PCDHA3: variants seen among roughly 807,000 people sequenced by gnomAD.
PCDHA3 encodes protocadherin alpha 3, also known as protocadherin alpha-3.
In PCDHA3, 41 loss-of-function variants were observed where a neutral mutation model predicts 62.2. The ratio of observed to expected loss-of-function variants is 0.66; its 90% CI spans 0.51 to 0.86. The LOEUF is 0.86. Ranked by LOEUF, PCDHA3 falls within the 40% of genes least tolerant of loss-of-function variation. The pLI, the probability that PCDHA3 is intolerant of heterozygous loss-of-function variation, is 0.00. For synonymous variants in PCDHA3, 640 were observed against 555.4 expected, an observed-to-expected ratio of 1.15 and a Z score of -2.14; for missense variants, 1,304 against 1,241.2, an observed-to-expected ratio of 1.05 and a Z score of -0.76.
At chr5:140,867,824 G>A (rs1258393601) in intron 1 of PCDHA3, 1 of 151,982 alleles carries the variant, frequency 6.6e-6, no homozygotes, top group African/African-American at 2.4e-5. Flanking sequence ...ATTTCCACAA[G>A]CACTAAGGTA....
intron 1 of PCDHA3, among the ~76,000 whole-genome samples, chr5:140,951,382 G>A (rs246042): frequency 0.56 from 85,615 of 151,810 alleles, 24,753 homozygotes; most frequent in African/African-American, 0.69. Context: ...CCCAAGACTC[G>A]GTAATTTATA....
chr5:140,851,194 T>G (rs1484208641), intron 1 of PCDHA3: 1 of 1,213,702 alleles, frequency 8.2e-7, no homozygotes, highest in Non-Finnish European at 1.1e-6. Flanking sequence ...AATTTAGTTG[T>G]TAGTCATTCA....
intron 1 of PCDHA3, among the ~76,000 whole-genome samples, chr5:140,886,356 T>C (rs1457178977): frequency 1.3e-5 from 2 of 152,194 alleles, no homozygotes; most frequent in South Asian, 2.1e-4. Flanking sequence ...GTTTGTTACA[T>C]AGGTGTACAT....
In PCDHA3 at chr5:141,009,679, C is replaced by T; in HGVS notation, c.2595C>T (p.Asn865=). 1.2e-6 allele frequency: 2 copies of T among 1,614,116 alleles called. No individual in the cohort carries two copies. The highest frequency in any genetic ancestry group is 8.5e-7 in the Non-Finnish European group (1 of 1,180,026). The part of the protein sequence containing the change: ...SPPVGAGVNS[N]SWTFKYGPGN... ...CAGTCGGTGCGGGTGTCAACAGCAA[C>T]AGCTGGACCTTTAAATACGGACCAG... The change falls in exon 4 of 4, where the codon AAC becomes AAT. Residue 865 remains asparagine (N), a synonymous_variant. Coordinates refer to ENST00000522353, the MANE Select transcript of PCDHA3 (RefSeq NM_018906.3).
chr5:140,855,791 A>T, intron 1 of PCDHA3: 1 of 446,278 alleles, frequency 2.2e-6, no homozygotes, highest in Non-Finnish European at 4.0e-6. Flanking sequence ...AAAAAGAATT[A>T]ACATATGAAT....
intron 3 of PCDHA3, among the ~76,000 whole-genome samples, chr5:140,993,036 GTCA>G (rs1415732601): frequency 6.6e-6 from 1 of 152,182 alleles, no homozygotes; most frequent in Non-Finnish European, 1.5e-5. Flanking sequence ...GGCTCCGTGT[GTCA>G]TCAAGATGTC....
At chr5:140,861,543 C>G (rs1554154929) in intron 1 of PCDHA3, 2 of 424,418 alleles carry the variant, frequency 4.7e-6, no homozygotes, top group East Asian at 7.1e-5. Flanking sequence ...CAGCATCCAC[C>G]TGGAAGTGAT....
At chr5:140,857,858 G>A in intron 1 of PCDHA3, 3 of 1,597,854 alleles carry the variant, frequency 1.9e-6, no homozygotes, top group Non-Finnish European at 2.6e-6. Context: ...TGGATACAAC[G>A]CGTGGCTGTC....
intron 1 of PCDHA3, among the ~76,000 whole-genome samples, chr5:140,899,462 T>C (rs2067338282): frequency 6.6e-6 from 1 of 152,366 alleles, no homozygotes; most frequent in Admixed American, 6.5e-5. Context: ...GTGGTTTTTG[T>C]CTTTGGTTCT....
Position 140,881,064 on chromosome 5 carries a change from T to C in PCDHA3, c.2394+77473T>C, listed in dbSNP as rs191524582. On this transcript the variant is annotated intron_variant, in intron 1 of 3. Transcript: ENST00000522353. ...AGAGTTGTGCACAGAACAGGCCAGA[T>C]AATTATTGGAGCTATGATATATTTT... Among the ~76,000 whole-genome samples, 392 of 152,302 alleles carry C rather than the reference T, an allele frequency of 2.6e-3. 1 individual carries two copies. The highest frequency in any genetic ancestry group is 9.1e-3 in the African/African-American group (379 of 41,556).
chr5:140,886,637 C>A (rs1379156415), intron 1 of PCDHA3, among the ~76,000 whole-genome samples: 3 of 151,848 alleles, frequency 2.0e-5, no homozygotes, highest in Non-Finnish European at 4.4e-5. Context: ...ACCAGCCTGG[C>A]CAACATGGTG....
intron 1 of PCDHA3, chr5:140,812,425 A>C (rs1554125986): frequency 6.6e-6 from 1 of 152,008 alleles, no homozygotes; most frequent in African/African-American, 2.4e-5. Context: ...GTTTTTTCAA[A>C]AAATCAACTA....
Position 140,801,797 on chromosome 5 carries a change from A to T in PCDHA3, c.600A>T (p.Leu200Phe). The T allele has an allele frequency of 1.2e-6, 2 of 1,614,074 alleles. No individual in the cohort carries two copies. Among genetic ancestry groups the T allele is most frequent in the Non-Finnish European group, 1.7e-6 (2 of 1,180,016 alleles). ...KSLGLVLKKN[L>F]NREDTPKHYL... The stretch of plus-strand genomic sequence containing the variant: ...TTGGACTCGTGTTGAAAAAAAATTT[A>T]AATCGAGAGGACACTCCTAAGCATT... Residue 200 changes from leucine to phenylalanine, a missense_variant, in exon 1 of 4, where the codon TTA becomes TTT. Leu to Phe is a conservative substitution (Grantham distance 22). Coordinates refer to ENST00000522353, the MANE Select transcript of PCDHA3 (RefSeq NM_018906.3).
chr5:140,824,218 A>T, intron 1 of PCDHA3: 1 of 1,564,370 alleles, frequency 6.4e-7, no homozygotes. Flanking sequence ...TTTAAAAATT[A>T]TGTCTTAGTA....
In PCDHA3 at chr5:140,842,940, C is replaced by G. The variant is rs2150348293; in HGVS notation, c.2394+39349C>G. On this transcript the variant is annotated intron_variant, in intron 1 of 3. Transcript: ENST00000522353. ...CAGTTCCAGGTGAGCGCGCGCGACG[C>G]GGGCGTGCCGCCTCTGGGCAGCAAC... The G allele has an allele frequency of 3.8e-6, 6 of 1,594,510 alleles. 1 individual carries two copies. Among genetic ancestry groups the G allele is most frequent in the Admixed American group, 3.4e-5 (2 of 59,306 alleles).
intron 1 of PCDHA3, chr5:140,927,616 G>T (rs1228559116): frequency 6.2e-7 from 1 of 1,614,164 alleles, no homozygotes; most frequent in South Asian, 1.1e-5. Flanking sequence ...CCGCACCAAG[G>T]TTCCAGAGAC....
chr5:140,834,409 C>T (rs2150217049), intron 1 of PCDHA3: 3 of 1,610,410 alleles, frequency 1.9e-6, no homozygotes, highest in African/African-American at 2.7e-5. Context: ...GGATACGACC[C>T]AGGGGGCCGA....
chr5:140,930,257 A>C (rs1412873070), intron 1 of PCDHA3: 1 of 152,218 alleles, frequency 6.6e-6, no homozygotes, highest in Non-Finnish European at 1.5e-5. Flanking sequence ...ACTTGGATTT[A>C]ATTTCTTTTA....
chr5:140,944,689 A>T (rs1360975363), intron 1 of PCDHA3, among the ~76,000 whole-genome samples: 1 of 152,226 alleles, frequency 6.6e-6, no homozygotes, highest in Non-Finnish European at 1.5e-5. Context: ...TCCTATTAAT[A>T]ACAGTAATTA....
Sources: allele counts gnomAD v4.1 joint callset (sites outside exome capture counted in the v4.1 genomes callset), GRCh38; gene constraint gnomAD v4.1.1; transcripts MANE v1.5; gene names NCBI Gene and HGNC (gene_info 2026-07-23, HGNC 2026-07-21).